The following METTL16 variants were observed in gnomAD, a reference collection of about 807,000 sequenced individuals.
METTL16 encodes RNA N(6)-adenosine-methyltransferase METTL16.
In METTL16, 19 loss-of-function variants were observed where a neutral mutation model predicts 57.9. That is an observed-to-expected ratio of 0.33 (90% CI 0.23 to 0.48). The LOEUF (loss-of-function observed/expected upper bound fraction) is 0.48. METTL16 is among the 20% of genes least tolerant of loss of function. The pLI is 0.99. For synonymous variants in METTL16, 246 were observed against 255.6 expected, an observed-to-expected ratio of 0.96 and a Z score of 0.36; for missense variants, 434 against 691.5, an observed-to-expected ratio of 0.63 and a Z score of 4.18.
chr17:2,472,917 G>A (rs375899875), intron 4 of METTL16, among the ~76,000 whole-genome samples: 5 of 152,224 alleles, frequency 3.3e-5, no homozygotes, highest in African/African-American at 1.2e-4. Flanking sequence ...CGTACTGGGA[G>A]ATACATGTCA....
chr17:2,481,085 A>C (rs542933114), intron 2 of METTL16, among the ~76,000 whole-genome samples: 1 of 152,202 alleles, frequency 6.6e-6, no homozygotes, highest in Admixed American at 6.5e-5. Flanking sequence ...ATGCACCTTT[A>C]GTCCCAGCTA....
intron 8 of METTL16, among the ~76,000 whole-genome samples, chr17:2,428,408 G>A (rs938789052): frequency 1.3e-5 from 2 of 151,178 alleles, no homozygotes; most frequent in African/African-American, 4.9e-5. Flanking sequence ...CTGTGCCTCA[G>A]TAGAGATAGT....
chr17:2,428,504 G>A (rs1369094545), intron 8 of METTL16, among the ~76,000 whole-genome samples: 1 of 111,892 alleles, frequency 8.9e-6, no homozygotes, highest in Non-Finnish European at 1.7e-5. Flanking sequence ...CTCCAGCCCA[G>A]GCGACAGAGC....
intron 6 of METTL16, among the ~76,000 whole-genome samples, chr17:2,450,539 G>A (rs981256978): frequency 1.3e-5 from 2 of 152,122 alleles, no homozygotes; most frequent in African/African-American, 4.8e-5. Flanking sequence ...ACACTTAAAT[G>A]GGAGTTACTC....
intron 2 of METTL16, among the ~76,000 whole-genome samples, chr17:2,484,482 T>G (rs1311781973): frequency 6.6e-6 from 1 of 152,054 alleles, no homozygotes; most frequent in South Asian, 2.1e-4. Context: ...TCAAAGGTTA[T>G]GACCACTACT....
At chr17:2,460,443 T>A (rs2151561470) in intron 6 of METTL16, 1 of 152,326 alleles carries the variant, frequency 6.6e-6, no homozygotes, top group Non-Finnish European at 1.5e-5. Flanking sequence ...GGTGTTCTAT[T>A]CAAACATATT....
chr17:2,436,233 G>A (rs975231332), intron 8 of METTL16, among the ~76,000 whole-genome samples: 2 of 152,102 alleles, frequency 1.3e-5, no homozygotes, highest in Non-Finnish European at 2.9e-5. Flanking sequence ...ATAATTCTTC[G>A]GGGTGGTGAG....
At chr17:2,437,066 G>C (rs1279428506) in intron 8 of METTL16, among the ~76,000 whole-genome samples, 2 of 151,984 alleles carry the variant, frequency 1.3e-5, no homozygotes, top group Non-Finnish European at 2.9e-5. Context: ...ATTTTTTGTA[G>C]AGACGGGGTT....
chr17:2,451,646 A>AAAAGT (rs2067070684), intron 6 of METTL16, among the ~76,000 whole-genome samples: 1 of 151,768 alleles, frequency 6.6e-6, no homozygotes, highest in African/African-American at 2.4e-5. Flanking sequence ...AAAAGAAAAG[A>AAAAGT]AAGAAAGTGT....
chr17:2,467,087 G>A (rs9905699), intron 5 of METTL16, among the ~76,000 whole-genome samples: 4,256 of 152,190 alleles, frequency 0.028, 209 homozygotes, highest in African/African-American at 0.097. Context: ...TTACAAGTGT[G>A]AGTCACCGTG....
intron 6 of METTL16, among the ~76,000 whole-genome samples, chr17:2,457,198 CG>C (rs1188996416): frequency 4.6e-5 from 7 of 150,980 alleles, no homozygotes; most frequent in Non-Finnish European, 1.5e-5. Flanking sequence ...ATTAGCTGGG[CG>C]TGGTGACGGG....
intron 8 of METTL16, among the ~76,000 whole-genome samples, chr17:2,433,118 G>A (rs1342866285): frequency 6.6e-6 from 1 of 152,204 alleles, no homozygotes; most frequent in Non-Finnish European, 1.5e-5. Context: ...CCAGAGGAAG[G>A]GAGAGATGTC....
At chr17:2,472,907 C>T (rs994262430) in intron 4 of METTL16, among the ~76,000 whole-genome samples, 9 of 151,960 alleles carry the variant, frequency 5.9e-5, no homozygotes, top group African/African-American at 7.3e-5. Flanking sequence ...CTGTGTATAC[C>T]GTACTGGGAG....
chr17:2,433,417 C>G (rs2066888664), intron 8 of METTL16, among the ~76,000 whole-genome samples: 1 of 147,188 alleles, frequency 6.8e-6, no homozygotes. Context: ...AGTGGGTGAG[C>G]AGGATGCTGA....
intron 2 of METTL16, among the ~76,000 whole-genome samples, chr17:2,492,917 C>CAAA (rs2067411518): frequency 2.4e-4 from 22 of 91,586 alleles, no homozygotes; most frequent in African/African-American, 8.2e-4. Flanking sequence ...AAAAAAAAAA[C>CAAA]AACAAAAAAA....
intron 2 of METTL16, among the ~76,000 whole-genome samples, chr17:2,486,611 A>G (rs1050673371): frequency 6.6e-6 from 1 of 152,130 alleles, no homozygotes; most frequent in African/African-American, 2.4e-5. Context: ...GGTATGGTAT[A>G]GAATAAAGTT....
rs148706458 is a variant in METTL16 at position 2,482,624 on chromosome 17, T to A, written c.129-4739A>T. ...GAAGCACACATTTAGGAAGATAAAC[T>A]GGCTGGGCCCAATGGCTCACACCTG... On this transcript the variant is annotated intron_variant, in intron 2 of 9. Transcript: ENST00000263092. Among the ~76,000 whole-genome samples, 493 of 152,296 alleles carry A rather than the reference T, an allele frequency of 3.2e-3. 2 individuals are homozygous for A. The highest frequency in any genetic ancestry group is 5.8e-3 in the Non-Finnish European group (392 of 68,024).
Position 2,420,048 on chromosome 17 carries a change from C to T in METTL16, c.1611G>A (p.Glu537=). The change falls in exon 10 of 10, where the codon GAG becomes GAA. Residue 537 remains glutamate (E), a synonymous_variant. Transcript: ENST00000263092. The surrounding 1 kb of genome is among the most constrained non-coding windows in gnomAD (Gnocchi z 5.4). ...GGTTCATCAGATCCCTGTTCTGGCC[C>T]TCAACCCAGTGCATCTCCACTAAGG... ...DDALVEMHWV[E]GQNRDLMNQL... is the part of the protein sequence containing the mutation. 1.2e-6 allele frequency: 2 copies of T among 1,614,180 alleles called. No individual in the cohort carries two copies.
chr17:2,455,499 C>A (rs951673169), intron 6 of METTL16, among the ~76,000 whole-genome samples: 21 of 152,250 alleles, frequency 1.4e-4, no homozygotes, highest in African/African-American at 5.1e-4. Context: ...GTCACGTAGT[C>A]GGAAATGCCA....
Sources: gnomAD v4.1 joint callset for allele counts (sites outside exome capture counted in the v4.1 genomes callset) on GRCh38, gnomAD v4.1.1 for gene constraint, Gnocchi (gnomAD v3.1) non-coding constraint, MANE v1.5 for transcripts, NCBI Gene and HGNC (gene_info 2026-07-23, HGNC 2026-07-21) for gene names.